The following PLXNA4 variants were observed in gnomAD, a reference collection of about 807,000 sequenced individuals.
PLXNA4 encodes plexin-A4.
In PLXNA4, 44 loss-of-function variants were observed where a neutral mutation model predicts 191.8. The observed-to-expected ratio is 0.23, with a 90% CI of 0.18 to 0.29. PLXNA4 has a LOEUF of 0.29. Ranked by LOEUF, PLXNA4 falls within the 10% of genes least tolerant of loss-of-function variation. PLXNA4 has a pLI of 1.00. For missense variants in PLXNA4, 1,800 were observed against 2,488.8 expected (o/e 0.72, Z 5.89); for synonymous variants, 1,082 against 1,009.5 (o/e 1.07, Z -1.36).
intron 2 of PLXNA4, among the ~76,000 whole-genome samples, chr7:132,631,352 A>G (rs1469664366): frequency 6.6e-6 from 1 of 152,164 alleles, no homozygotes; most frequent in East Asian, 1.9e-4. Flanking sequence ...CCTTAGTCCT[A>G]TTGAGTCCTC....
chr7:132,324,914 A>G (rs1377590834), intron 3 of PLXNA4, among the ~76,000 whole-genome samples: 1 of 152,168 alleles, frequency 6.6e-6, no homozygotes, highest in Non-Finnish European at 1.5e-5. Context: ...TATAGAAAGC[A>G]GAATCCACAA....
rs1801177993 is a variant in PLXNA4 at position 132,298,236 on chromosome 7, G to A, written c.1372-14C>T. The A allele has an allele frequency of 1.2e-6, 2 of 1,606,732 alleles. No individual in the cohort carries two copies. Among genetic ancestry groups the A allele is most frequent in the African/African-American group, 1.3e-5 (1 of 74,862 alleles). On this transcript the variant is annotated splice_polypyrimidine_tract_variant and intron_variant, in intron 3 of 31. Transcript: ENST00000321063. ...ATCCACCCGGATCTGTGGAGAAGAAGAGGAGAGCCAAAGTGAGTTCAGATC... is the reference window on the plus strand; with the variant it reads ...ATCCACCCGGATCTGTGGAGAAGAAAAGGAGAGCCAAAGTGAGTTCAGATC...
At chr7:132,482,090 C>A (rs923663260) in intron 3 of PLXNA4, among the ~76,000 whole-genome samples, 2 of 152,128 alleles carry the variant, frequency 1.3e-5, no homozygotes, top group Non-Finnish European at 1.5e-5. Context: ...GGCTGAGAAA[C>A]AAAGCCCTCA....
At chr7:132,188,938 C>T (rs74555025) in intron 14 of PLXNA4, among the ~76,000 whole-genome samples, 6,170 of 87,892 alleles carry the variant, frequency 0.07, 472 homozygotes, top group Admixed American at 0.24. Context: ...GTATCCCCAC[C>T]AACCTTCCCA....
rs115200215 is a variant in PLXNA4 at position 132,522,115 on chromosome 7, G to A, written c.-86-13336C>T. 6.6e-3 allele frequency among the ~76,000 whole-genome samples: 1,012 copies of A among 152,272 alleles called. 13 individuals carry two copies. The highest frequency in any genetic ancestry group is 0.023 in the African/African-American group (962 of 41,542). On this transcript the variant is annotated intron_variant, in intron 1 of 31. Coordinates refer to ENST00000321063, the MANE Select transcript of PLXNA4 (RefSeq NM_020911.2). Reference sequence around the variant, plus strand: ...CCCAGGAGGCCTTTCAGTAGACTCAGCAGCTCTTCTGAATCCACTCTGTGG... The same window carrying A: ...CCCAGGAGGCCTTTCAGTAGACTCAACAGCTCTTCTGAATCCACTCTGTGG...
chr7:132,412,708 C>T (rs952079049), intron 3 of PLXNA4, among the ~76,000 whole-genome samples: 1 of 152,122 alleles, frequency 6.6e-6, no homozygotes, highest in Non-Finnish European at 1.5e-5. Context: ...GGGAGTTCTT[C>T]GTTTTCAGGG....
intron 9 of PLXNA4, among the ~76,000 whole-genome samples, chr7:132,222,905 T>C (rs1289605341): frequency 6.6e-6 from 1 of 152,172 alleles, no homozygotes; most frequent in Non-Finnish European, 1.5e-5. Context: ...TCAGAGCCAC[T>C]GGGAGGGCCT....
At chr7:132,439,984 G>A (rs1795629395) in intron 3 of PLXNA4, among the ~76,000 whole-genome samples, 1 of 85,224 alleles carries the variant, frequency 1.2e-5, no homozygotes, top group South Asian at 6.3e-4. Context: ...ATGTGTGCAT[G>A]TGCATGTGTG....
intron 2 of PLXNA4, among the ~76,000 whole-genome samples, chr7:132,503,967 C>T (rs542546959): frequency 4.6e-5 from 7 of 152,350 alleles, no homozygotes; most frequent in African/African-American, 1.7e-4. Context: ...CTGCTGTTCC[C>T]ACCCTCCACT....
chr7:132,293,516 C>T (rs773918688), intron 4 of PLXNA4, among the ~76,000 whole-genome samples: 7 of 152,170 alleles, frequency 4.6e-5, no homozygotes, highest in Non-Finnish European at 8.8e-5. Flanking sequence ...ATGGGAGCTA[C>T]AATGCAAGAT....
At chr7:132,206,780 C>T (rs969837038) in intron 10 of PLXNA4, among the ~76,000 whole-genome samples, 4 of 152,110 alleles carry the variant, frequency 2.6e-5, no homozygotes, top group Non-Finnish European at 5.9e-5. Flanking sequence ...GCCTGGACCA[C>T]GGGCTCCCGT....
chr7:132,485,137 TTCATGGGAATG>T, intron 3 of PLXNA4: 1 of 1,376,928 alleles, frequency 7.3e-7, no homozygotes, highest in East Asian at 2.5e-5. Flanking sequence ...CTATTGCCTC[TTCATGGGAATG>T]TGCACCCAGT....
chr7:132,512,538 T>C (rs966010483), intron 1 of PLXNA4, among the ~76,000 whole-genome samples: 1 of 152,034 alleles, frequency 6.6e-6, no homozygotes, highest in Non-Finnish European at 1.5e-5. Context: ...AGCCTTTCAT[T>C]TTACACACTA....
At chr7:132,132,420 C>CTGT (rs1258418633) in intron 31 of PLXNA4, among the ~76,000 whole-genome samples, 1,544 of 61,040 alleles carry the variant, frequency 0.025, 59 homozygotes, top group African/African-American at 0.082. Context: ...CTGTTCTGTT[C>CTGT]TGTTCTGTTC....
chr7:132,132,483 C>CAT (rs1794985752), intron 31 of PLXNA4, among the ~76,000 whole-genome samples: 1 of 80,788 alleles, frequency 1.2e-5, no homozygotes, highest in Non-Finnish European at 2.6e-5. Flanking sequence ...CTCTGCTCTG[C>CAT]TCTGCTCTAT....
intron 9 of PLXNA4, among the ~76,000 whole-genome samples, chr7:132,218,748 G>C (rs927379278): frequency 2.0e-5 from 3 of 152,292 alleles, no homozygotes; most frequent in Admixed American, 2.0e-4. Flanking sequence ...TCTGGCAGCT[G>C]ATCTGAAGGC....
At chr7:132,566,508 A>G (rs1801729789) in intron 1 of PLXNA4, among the ~76,000 whole-genome samples, 1 of 152,184 alleles carries the variant, frequency 6.6e-6, no homozygotes, top group African/African-American at 2.4e-5. Context: ...TCAACCGTCC[A>G]AAGTTTAGGG....
At chr7:132,399,487 A>C (rs1170940161) in intron 3 of PLXNA4, among the ~76,000 whole-genome samples, 1 of 152,220 alleles carries the variant, frequency 6.6e-6, no homozygotes, top group Non-Finnish European at 1.5e-5. Flanking sequence ...TGCAGGTGAA[A>C]CAAAAAAAGG....
At chr7:132,292,276 G>T (rs1800922165) in intron 4 of PLXNA4, among the ~76,000 whole-genome samples, 1 of 152,192 alleles carries the variant, frequency 6.6e-6, no homozygotes, top group Non-Finnish European at 1.5e-5. Context: ...AGGTAAATCA[G>T]AGGGAGGCTG....
Sources: gnomAD v4.1 joint callset for allele counts (sites outside exome capture counted in the v4.1 genomes callset) on GRCh38, gnomAD v4.1.1 for gene constraint, MANE v1.5 for transcripts, NCBI Gene and HGNC (gene_info 2026-07-23, HGNC 2026-07-21) for gene names.